PTPRN2: variants seen among roughly 807,000 people sequenced by gnomAD.
PTPRN2 encodes the protein receptor-type tyrosine-protein phosphatase N2.
In PTPRN2, 74 loss-of-function variants were observed where a neutral mutation model predicts 118.8. The observed-to-expected ratio is 0.62, with a 90% CI of 0.52 to 0.76. PTPRN2 has a LOEUF of 0.76. Among genes scored for constraint, PTPRN2 ranks in the 30% least tolerant of loss-of-function variants. The pLI is 0.00. For missense variants in PTPRN2, 1,481 were observed against 1,394.4 expected (o/e 1.06, Z -0.99); for synonymous variants, 641 against 608.0 (o/e 1.05, Z -0.80).
intron 11 of PTPRN2, among the ~76,000 whole-genome samples, chr7:158,054,510 G>C (rs1809631543): frequency 6.6e-6 from 1 of 152,248 alleles, no homozygotes; most frequent in Admixed American, 6.5e-5. Context: ...CATGCCGTGA[G>C]ATTATTTTCT....
At chr7:157,575,077 A>G (rs1799958877) in intron 19 of PTPRN2, among the ~76,000 whole-genome samples, 1 of 152,194 alleles carries the variant, frequency 6.6e-6, no homozygotes. Flanking sequence ...AATCATAAAC[A>G]CTGAGGGTCG....
At chr7:158,410,498 C>T (rs890091439) in intron 2 of PTPRN2, among the ~76,000 whole-genome samples, 2 of 152,170 alleles carry the variant, frequency 1.3e-5, no homozygotes, top group Admixed American at 6.5e-5. Flanking sequence ...TGAAGTTCTG[C>T]GACTCTGAGG....
rs1420008481 is a variant in PTPRN2 at position 158,093,221 on chromosome 7, CG to C, written c.1644-11845del. ...TCCTTTCCTGACTCTGCCGCTGGAC[CG>C]ACCCCCCACACTGTAGACCCACACG... On this transcript the variant is annotated intron_variant, in intron 10 of 22. Transcript: ENST00000389418. This position sits in a 1 kb window ranked among gnomAD's most constrained non-coding sequence, Gnocchi z 4.4. Among the ~76,000 whole-genome samples, 1 of 44,578 alleles carries C rather than the reference CG, an allele frequency of 2.2e-5. No individual in the cohort carries two copies. The highest frequency in any genetic ancestry group is 8.7e-5 in the Non-Finnish European group (1 of 11,540). The allele number at this position is 44,578 out of a possible 152,430, so 29.2% of individuals were successfully genotyped here. A position where few individuals can be genotyped will look rare whatever the true frequency, so the allele number is the denominator to read the frequency against.
chr7:157,961,455 C>T (rs780550926), intron 11 of PTPRN2, among the ~76,000 whole-genome samples: 3 of 151,918 alleles, frequency 2.0e-5, no homozygotes, highest in Non-Finnish European at 4.4e-5. Flanking sequence ...ATTGCTTGAA[C>T]CCGGGAGGTG....
At chr7:158,549,145 GAGAGA>G (rs1826481909) in intron 1 of PTPRN2, among the ~76,000 whole-genome samples, 1 of 152,262 alleles carries the variant, frequency 6.6e-6, no homozygotes, top group African/African-American at 2.4e-5. Flanking sequence ...GGAATGTTGG[GAGAGA>G]AGGGAGTGTG....
At chr7:158,340,740 C>T (rs1586380006) in intron 2 of PTPRN2, among the ~76,000 whole-genome samples, 1 of 82,858 alleles carries the variant, frequency 1.2e-5, no homozygotes, top group African/African-American at 4.7e-5. Context: ...TAAGAGGTGA[C>T]ACATGCAGAC....
Position 158,466,047 on chromosome 7 carries a change from A to T in PTPRN2, c.163+23688T>A, listed in dbSNP as rs191757854. Among the ~76,000 whole-genome samples, 33 of 152,166 alleles carry T rather than the reference A, an allele frequency of 2.2e-4. No individual in the cohort carries two copies. In the East Asian group the frequency reaches 6.2e-3, roughly 29 times the overall value. ...TCCTTAAAGCAGATAACAAAATCCA[A>T]CTCATCATTTTGTAAAATTTTTGGA... is the stretch of plus-strand genomic sequence containing the variant. On this transcript the variant is annotated intron_variant, in intron 2 of 22. Transcript: ENST00000389418.
At chr7:158,483,135 T>C (rs1212504994) in intron 2 of PTPRN2, among the ~76,000 whole-genome samples, 1 of 152,248 alleles carries the variant, frequency 6.6e-6, no homozygotes. Context: ...GCTTCCCTGT[T>C]TCCTGGGTCT....
At chr7:157,623,519 ATAT>A (rs1343792080) in intron 14 of PTPRN2, among the ~76,000 whole-genome samples, 7 of 152,258 alleles carry the variant, frequency 4.6e-5, no homozygotes, top group African/African-American at 1.7e-4. Flanking sequence ...CCAATCGAAA[ATAT>A]TATCTGCAAA....
At chr7:158,151,525 C>CACCCGCCTTT (rs1821154081) in intron 6 of PTPRN2, among the ~76,000 whole-genome samples, 2 of 67,304 alleles carry the variant, frequency 3.0e-5, no homozygotes, top group African/African-American at 8.9e-5. Flanking sequence ...CACCGCACGT[C>CACCCGCCTTT]CTACTCCAGG....
chr7:158,184,649 T>C (rs1340348481), intron 5 of PTPRN2, among the ~76,000 whole-genome samples: 1 of 152,112 alleles, frequency 6.6e-6, no homozygotes, highest in Non-Finnish European at 1.5e-5. Context: ...TAGTCTCTAC[T>C]GAAAATGCAA....
Position 158,510,443 on chromosome 7 carries a change from ACTCTCTCTCTCTCT to A in PTPRN2, c.113-20672_113-20659del, listed in dbSNP as rs10581746. On this transcript the variant is annotated intron_variant, in intron 1 of 22. Coordinates refer to ENST00000389418, the MANE Select transcript of PTPRN2 (RefSeq NM_002847.5). ...TCATTCACACTAAGTGTGTGTGTTT[ACTCTCTCTCTCTCT>A]CTCTCTCTCTCTCTCTCTCTCACCC... Among the ~76,000 whole-genome samples the A allele has an allele frequency of 2.0e-4, 30 of 147,650 alleles. No homozygotes were observed. In the South Asian group the frequency reaches 4.6e-3, roughly 23 times the overall value.
At chr7:157,561,691 T>C (rs1799198988) in intron 21 of PTPRN2, among the ~76,000 whole-genome samples, 1 of 152,250 alleles carries the variant, frequency 6.6e-6, no homozygotes, top group African/African-American at 2.4e-5. Flanking sequence ...TGAAAAGCTT[T>C]CTGTGGGTCC....
intron 2 of PTPRN2, among the ~76,000 whole-genome samples, chr7:158,431,475 C>T (rs1217751199): frequency 1.8e-4 from 1 of 5,572 alleles, no homozygotes; most frequent in Non-Finnish European, 3.9e-4. Flanking sequence ...TGGGCACATA[C>T]TGGGCACACA....
chr7:158,392,833 C>T (rs982587036), intron 2 of PTPRN2, among the ~76,000 whole-genome samples: 1 of 152,170 alleles, frequency 6.6e-6, no homozygotes, highest in African/African-American at 2.4e-5. Context: ...AAAGCCTCAT[C>T]GGACCTGCAG....
intron 11 of PTPRN2, among the ~76,000 whole-genome samples, chr7:157,914,046 A>G (rs1798240422): frequency 6.6e-6 from 1 of 152,240 alleles, no homozygotes; most frequent in Non-Finnish European, 1.5e-5. Context: ...CATTTCAAAT[A>G]TATGGCCATA....
chr7:158,484,152 CA>C (rs1049686259), intron 2 of PTPRN2, among the ~76,000 whole-genome samples: 5 of 151,888 alleles, frequency 3.3e-5, no homozygotes, highest in African/African-American at 9.7e-5. Context: ...TTAAAAAAAA[CA>C]AAAAACTGTA....
At chr7:158,414,166 G>A (rs1182637687) in intron 2 of PTPRN2, among the ~76,000 whole-genome samples, 1 of 151,420 alleles carries the variant, frequency 6.6e-6, no homozygotes, top group Non-Finnish European at 1.5e-5. Flanking sequence ...AGTGAGTACC[G>A]TGCACTTCCA....
chr7:158,503,963 G>A (rs1221608544), intron 1 of PTPRN2, among the ~76,000 whole-genome samples: 3 of 151,458 alleles, frequency 2.0e-5, no homozygotes, highest in Non-Finnish European at 4.4e-5. Flanking sequence ...CTCCAGCCTG[G>A]GGGACAAGAG....
Sources: allele counts gnomAD v4.1 joint callset (sites outside exome capture counted in the v4.1 genomes callset), GRCh38; gene constraint gnomAD v4.1.1; non-coding constraint Gnocchi (gnomAD v3.1); transcripts MANE v1.5; gene names NCBI Gene and HGNC (gene_info 2026-07-23, HGNC 2026-07-21).